The following CDH18 variants were observed in gnomAD, a reference collection of about 807,000 sequenced individuals.
The protein encoded by CDH18 is cadherin-18.
In CDH18, 31 loss-of-function variants were observed where a neutral mutation model predicts 67.9. The ratio of observed to expected loss-of-function variants is 0.46; its 90% CI spans 0.34 to 0.62. The LOEUF is 0.62. CDH18 is among the 20% of genes least tolerant of loss of function. The probability of loss-of-function intolerance (pLI) is 0.01; values close to 1 mark genes in which losing one functional copy is unlikely to be tolerated. For synonymous variants in CDH18, 362 were observed against 347.2 expected (o/e 1.04, Z -0.48); for missense variants, 890 against 975.5 (o/e 0.91, Z 1.17).
intron 5 of CDH18, among the ~76,000 whole-genome samples, chr5:19,633,073 T>G (rs1264000380): frequency 2.0e-5 from 3 of 152,216 alleles, no homozygotes; most frequent in Non-Finnish European, 2.9e-5. Context: ...TAGTCCCTTG[T>G]CGTATTCAGA....
At chr5:20,361,148 A>G (rs930409196) in intron 1 of CDH18, among the ~76,000 whole-genome samples, 1 of 152,010 alleles carries the variant, frequency 6.6e-6, no homozygotes, top group African/African-American at 2.4e-5. Flanking sequence ...AAAATTGTTC[A>G]TTCATTCATT....
intron 7 of CDH18, among the ~76,000 whole-genome samples, chr5:19,577,976 G>A (rs142655343): frequency 1.3e-5 from 2 of 152,170 alleles, no homozygotes; most frequent in Non-Finnish European, 2.9e-5. Context: ...GAGGCAGAGA[G>A]AGGAGTGATG....
chr5:20,232,168 T>C (rs1337185801), intron 2 of CDH18, among the ~76,000 whole-genome samples: 1 of 151,706 alleles, frequency 6.6e-6, no homozygotes, highest in African/African-American at 2.4e-5. Context: ...AGGGTTTCTA[T>C]TTATTTTTTT....
chr5:20,380,271 T>C (rs1442368163), intron 1 of CDH18, among the ~76,000 whole-genome samples: 1 of 152,194 alleles, frequency 6.6e-6, no homozygotes, highest in Non-Finnish European at 1.5e-5. Context: ...CAAGTATCTA[T>C]AGTTATATGA....
intron 9 of CDH18, among the ~76,000 whole-genome samples, chr5:19,530,557 A>G (rs931214876): frequency 2.0e-5 from 3 of 152,184 alleles, no homozygotes; most frequent in African/African-American, 7.2e-5. Context: ...AGCATTAGGT[A>G]TATCTCCCAG....
intron 2 of CDH18, among the ~76,000 whole-genome samples, chr5:20,079,558 C>A (rs542268055): frequency 3.3e-5 from 5 of 152,202 alleles, no homozygotes; most frequent in African/African-American, 1.2e-4. Context: ...GATTGCAATT[C>A]CCCTGGGCAT....
intron 4 of CDH18, among the ~76,000 whole-genome samples, chr5:19,725,768 T>TCAACAA (rs964655728): frequency 6.6e-6 from 1 of 152,100 alleles, no homozygotes; most frequent in African/African-American, 2.4e-5. Flanking sequence ...AAACTCCGTC[T>TCAACAA]CAACAACAAC....
intron 11 of CDH18, among the ~76,000 whole-genome samples, chr5:19,492,932 A>G (rs1166427098): frequency 1.3e-5 from 2 of 152,178 alleles, no homozygotes; most frequent in Non-Finnish European, 2.9e-5. Context: ...AGAATAAGGC[A>G]CAGTGCTTAG....
At chr5:19,771,166 A>G (rs1473601846) in intron 3 of CDH18, among the ~76,000 whole-genome samples, 4 of 152,152 alleles carry the variant, frequency 2.6e-5, no homozygotes, top group African/African-American at 9.7e-5. Flanking sequence ...AATTACCTCT[A>G]ATGTGTACTG....
intron 5 of CDH18, among the ~76,000 whole-genome samples, chr5:19,647,714 C>G (rs905976558): frequency 6.6e-6 from 1 of 151,916 alleles, no homozygotes; most frequent in African/African-American, 2.4e-5. Context: ...AAACCTAGAT[C>G]AGCTCTGCCC....
chr5:20,486,681 G>GTATATATATATATATATATATATA lies in CDH18; in HGVS notation c.-580+88780_-580+88781insTATATATATATATATATATATATA, dbSNP rs750113034. Among the ~76,000 whole-genome samples, 71 of 122,586 alleles carry GTATATATATATATATATATATATA rather than the reference G, an allele frequency of 5.8e-4. 2 individuals are homozygous for GTATATATATATATATATATATATA. The highest frequency in any genetic ancestry group is 1.0e-3 in the Non-Finnish European group (60 of 58,800). 80.4% of individuals were successfully genotyped at this position (122,586 alleles called of 152,430 possible). A position where few individuals can be genotyped will look rare whatever the true frequency, so the allele number is the denominator to read the frequency against. ...AGTTGTTTTACCTGTTGCTATTTTT[G>GTATATATATATATATATATATATA]TATATATATATATATATACATATAT... On this transcript the variant is annotated intron_variant, in intron 1 of 14. Coordinates refer to the CDH18 transcript ENST00000507958.
At chr5:20,342,972 G>T (rs1025487806) in intron 1 of CDH18, among the ~76,000 whole-genome samples, 2 of 152,158 alleles carry the variant, frequency 1.3e-5, no homozygotes, top group African/African-American at 4.8e-5. Flanking sequence ...TTGCAGAATA[G>T]ATTTGTGAGG....
At chr5:20,389,109 T>C (rs920701679) in intron 1 of CDH18, among the ~76,000 whole-genome samples, 2 of 152,116 alleles carry the variant, frequency 1.3e-5, no homozygotes, top group South Asian at 2.1e-4. Flanking sequence ...GATATCCTTG[T>C]TAACTTTCTG....
intron 2 of CDH18, among the ~76,000 whole-genome samples, chr5:19,845,769 T>G (rs942710519): frequency 1.3e-5 from 2 of 152,012 alleles, no homozygotes; most frequent in African/African-American, 4.8e-5. Context: ...TATTTGTCTC[T>G]TCCTACAGTT....
chr5:20,296,992 T>C (rs1007848535), intron 1 of CDH18, among the ~76,000 whole-genome samples: 21 of 151,968 alleles, frequency 1.4e-4, no homozygotes, highest in Admixed American at 2.6e-4. Flanking sequence ...ATATTTATTC[T>C]GAGATAGATA....
At chr5:20,572,814 G>A (rs1306583348) in intron 1 of CDH18, among the ~76,000 whole-genome samples, 1 of 152,106 alleles carries the variant, frequency 6.6e-6, no homozygotes, top group Non-Finnish European at 1.5e-5. Context: ...TGATACTATG[G>A]AAGCAAATGG....
intron 1 of CDH18, among the ~76,000 whole-genome samples, chr5:20,505,378 G>A (rs1289087829): frequency 6.6e-6 from 1 of 152,130 alleles, no homozygotes; most frequent in Non-Finnish European, 1.5e-5. Flanking sequence ...ATCAGATTAA[G>A]ATGGCATATA....
At chr5:19,806,973 C>T (rs1350554393) in intron 3 of CDH18, among the ~76,000 whole-genome samples, 2 of 152,288 alleles carry the variant, frequency 1.3e-5, no homozygotes, top group Non-Finnish European at 2.9e-5. Context: ...TAATATAATA[C>T]TCTCTATTGC....
chr5:19,955,695 T>C (rs887682315), intron 2 of CDH18, among the ~76,000 whole-genome samples: 1 of 151,898 alleles, frequency 6.6e-6, no homozygotes, highest in Admixed American at 6.6e-5. Flanking sequence ...TGTAGATAGA[T>C]AGCAAAGTTA....
Sources: gnomAD v4.1 joint callset for allele counts (sites outside exome capture counted in the v4.1 genomes callset) on GRCh38, gnomAD v4.1.1 for gene constraint, MANE v1.5 for transcripts, NCBI Gene and HGNC (gene_info 2026-07-23, HGNC 2026-07-21) for gene names.